TSPAN14: variants seen among roughly 807,000 people sequenced by gnomAD.
TSPAN14 encodes the protein tetraspanin-14.
Under a neutral mutation model 36.6 loss-of-function variants are expected in TSPAN14, and 16 were observed. That is an observed-to-expected ratio of 0.44 (90% CI 0.30 to 0.66). TSPAN14 has a LOEUF of 0.66. TSPAN14 is among the 30% of genes least tolerant of loss of function. The pLI is 0.12. For missense variants in TSPAN14, 231 were observed against 355.1 expected, an observed-to-expected ratio of 0.65 and a Z score of 2.81; for synonymous variants, 139 against 143.8, an observed-to-expected ratio of 0.97 and a Z score of 0.24.
At chr10:80,487,635 TGTGTGTCC>T (rs796131039) in intron 1 of TSPAN14, among the ~76,000 whole-genome samples, 5 of 152,228 alleles carry the variant, frequency 3.3e-5, no homozygotes, top group African/African-American at 1.2e-4. Context: ...TCAGGCCTTG[TGTGTGTCC>T]TTGTGTCCTG....
At chr10:80,470,773 C>T (rs1270879488) in intron 1 of TSPAN14, among the ~76,000 whole-genome samples, 1 of 152,206 alleles carries the variant, frequency 6.6e-6, no homozygotes, top group African/African-American at 2.4e-5. Flanking sequence ...AGGAGTGGCT[C>T]CCACCCCAAT....
intron 1 of TSPAN14, among the ~76,000 whole-genome samples, chr10:80,473,271 C>T (rs1043869968): frequency 4.6e-5 from 7 of 152,208 alleles, no homozygotes; most frequent in African/African-American, 1.4e-4. Context: ...AGACAGAGGC[C>T]TCCTCTCACC....
intron 1 of TSPAN14, among the ~76,000 whole-genome samples, chr10:80,474,526 G>C (rs935156135): frequency 1.2e-4 from 19 of 152,028 alleles, no homozygotes; most frequent in Admixed American, 1.2e-3. Context: ...CTGAGTGTCT[G>C]GGTGGGTGAA....
intron 1 of TSPAN14, among the ~76,000 whole-genome samples, chr10:80,456,993 T>C (rs1175894089): frequency 6.6e-6 from 1 of 151,942 alleles, no homozygotes; most frequent in African/African-American, 2.4e-5. Context: ...ATCTGGGAGG[T>C]GGAGGTTGCA....
intron 1 of TSPAN14, among the ~76,000 whole-genome samples, chr10:80,479,138 T>A (rs1055181847): frequency 6.6e-6 from 1 of 152,044 alleles, no homozygotes; most frequent in Non-Finnish European, 1.5e-5. Flanking sequence ...TTGATGGGGT[T>A]GTTTGTTTTT....
At position 80,509,720 on chromosome 10, in the gene TSPAN14, AC is replaced by A. The variant is rs1286766582; in HGVS notation, c.450+255del. 1.9e-5 allele frequency: 9 copies of A among 473,192 alleles called. No homozygotes were observed. The highest frequency in any genetic ancestry group is 5.6e-4 in the Middle Eastern group (1 of 1,782). The allele number at this position is 473,192 out of a possible 1,614,324, so 29.3% of individuals were successfully genotyped here. A position where few individuals can be genotyped will look rare whatever the true frequency, so the allele number is the denominator to read the frequency against. On this transcript the variant is annotated intron_variant, in intron 5 of 8. Transcript: ENST00000429989. This position sits in a 1 kb window ranked among gnomAD's most constrained non-coding sequence, Gnocchi z 4.7. ...AGTCCAGCTGTACCCGAGGCCACCCACCCCCCACGTGCCCGGCCCTCCTCTT... is the reference window on the plus strand; with the variant it reads ...AGTCCAGCTGTACCCGAGGCCACCCACCCCCACGTGCCCGGCCCTCCTCTT...
chr10:80,469,952 T>C (rs1846451743), intron 1 of TSPAN14, among the ~76,000 whole-genome samples: 1 of 152,212 alleles, frequency 6.6e-6, no homozygotes, highest in African/African-American at 2.4e-5. Context: ...AGATTGGTTT[T>C]AGCCCCAGCA....
At chr10:80,497,864 G>A (rs1254733854) in intron 2 of TSPAN14, among the ~76,000 whole-genome samples, 2 of 152,196 alleles carry the variant, frequency 1.3e-5, no homozygotes, top group African/African-American at 4.8e-5. Flanking sequence ...CACATGTGTT[G>A]CCTTTTCTCA....
intron 2 of TSPAN14, among the ~76,000 whole-genome samples, chr10:80,500,784 G>A (rs564864143): frequency 1.5e-3 from 229 of 152,332 alleles, no homozygotes; most frequent in African/African-American, 5.2e-3. Flanking sequence ...GGAGGGTGTG[G>A]TCTGTGGGCC....
At chr10:80,519,622 T>C (rs1376925445) in exon 9 of TSPAN14, 2 of 152,372 alleles carry the variant, frequency 1.3e-5, no homozygotes, top group Non-Finnish European at 2.9e-5. Context: ...GAATATATCT[T>C]TATATTAATG....
rs1840499881 is a variant in TSPAN14, at chr10:80,509,573, C to T, written c.450+102C>T. 10 of 1,303,382 alleles carry T rather than the reference C, an allele frequency of 7.7e-6. No homozygotes were observed. The Admixed American group carries it at 1.7e-4, about 23-fold the overall frequency. 80.7% of individuals were successfully genotyped at this position (1,303,382 alleles called of 1,614,324 possible). A position where few individuals can be genotyped will look rare whatever the true frequency, so the allele number is the denominator to read the frequency against. ...TCAGGCCTTCTCTGTGGGTTGTCTG[C>T]CTGCAGCTTGGCAGACAGCAGGGAG... On this transcript the variant is annotated intron_variant, in intron 5 of 8. Coordinates refer to ENST00000429989, the Ensembl canonical transcript of TSPAN14. This position sits in a 1 kb window ranked among gnomAD's most constrained non-coding sequence, Gnocchi z 4.7.
At chr10:80,517,474 G>GAT (rs1189614039) in intron 8 of TSPAN14, among the ~76,000 whole-genome samples, 1 of 152,244 alleles carries the variant, frequency 6.6e-6, no homozygotes, top group Non-Finnish European at 1.5e-5. Context: ...CAAAATTGGG[G>GAT]ATGGCCTTGG....
At chr10:80,470,450 C>T (rs570431615) in intron 1 of TSPAN14, among the ~76,000 whole-genome samples, 46 of 152,304 alleles carry the variant, frequency 3.0e-4, no homozygotes, top group Non-Finnish European at 5.1e-4. Flanking sequence ...GGAAGACTGA[C>T]AGTATATTCT....
chr10:80,478,052 G>C (rs993360208), intron 1 of TSPAN14, among the ~76,000 whole-genome samples: 1 of 152,040 alleles, frequency 6.6e-6, no homozygotes, highest in Admixed American at 6.6e-5. Flanking sequence ...CGGACTGCCA[G>C]GGATTACTAG....
chr10:80,513,987 A>G, intron 6 of TSPAN14, 32 bp from the exon 7 acceptor site: 1 of 1,609,812 alleles, frequency 6.2e-7, no homozygotes, highest in South Asian at 1.1e-5. Flanking sequence ...TTGAGACGCC[A>G]GAAGCAACTA....
rs142735865 is a variant in TSPAN14, at chr10:80,462,586, G to A, written c.-18+8215G>A. On this transcript the variant is annotated intron_variant, in intron 1 of 8. Transcript: ENST00000429989. ...AGGAAGTATATCAGTGCTTCTGAGT[G>A]CAGAGTATTTATTGACACGTCAGTT... is the stretch of plus-strand genomic sequence containing the variant. Among the ~76,000 whole-genome samples the A allele has an allele frequency of 1.7e-3, 266 of 152,282 alleles. 6 individuals carry two copies. The South Asian group carries it at 0.026, about 15-fold the overall frequency.
Position 80,509,258 on chromosome 10 carries a change from C to A in TSPAN14, c.280-43C>A. 1 of 1,593,284 alleles carries A rather than the reference C, an allele frequency of 6.3e-7. No individual in the cohort carries two copies. Among genetic ancestry groups the A allele is most frequent in the South Asian group, 1.1e-5 (1 of 87,652 alleles). Reference sequence around the variant, plus strand: ...GGGGTTATGTGTGTGGGGGTGCAGGCTGGTGGGGTGGTGACTTCTGCTCCC... The same window carrying A: ...GGGGTTATGTGTGTGGGGGTGCAGGATGGTGGGGTGGTGACTTCTGCTCCC... On this transcript the variant is annotated intron_variant, in intron 4 of 8. Coordinates refer to ENST00000429989, the Ensembl canonical transcript of TSPAN14. The surrounding 1 kb of genome is among the most constrained non-coding windows in gnomAD (Gnocchi z 4.7).
At chr10:80,459,390 T>C (rs533054116) in intron 1 of TSPAN14, 13 of 152,686 alleles carry the variant, frequency 8.5e-5, no homozygotes, top group African/African-American at 2.6e-4. Flanking sequence ...AGCCTGTGCC[T>C]TTCAGCTAGA....
chr10:80,503,041 C>T (rs1474895093), intron 2 of TSPAN14, among the ~76,000 whole-genome samples: 1 of 152,026 alleles, frequency 6.6e-6, no homozygotes, highest in Non-Finnish European at 1.5e-5. Flanking sequence ...CCAATGAGGT[C>T]AGATACCATG....
Sources: gnomAD v4.1 joint callset for allele counts (sites outside exome capture counted in the v4.1 genomes callset) on GRCh38, gnomAD v4.1.1 for gene constraint, Gnocchi (gnomAD v3.1) non-coding constraint, MANE v1.5 for transcripts, NCBI Gene and HGNC (gene_info 2026-07-23, HGNC 2026-07-21) for gene names.